The following FBXO10 variants were observed in gnomAD, a reference collection of about 807,000 sequenced individuals.
The protein encoded by FBXO10 is F-box only protein 10.
In FBXO10, 39 loss-of-function variants were observed where a neutral mutation model predicts 80.7. The ratio of observed to expected loss-of-function variants is 0.48; its 90% CI spans 0.37 to 0.63. The LOEUF (loss-of-function observed/expected upper bound fraction) is 0.63. Ranked by LOEUF, FBXO10 falls within the 30% of genes least tolerant of loss-of-function variation. FBXO10 has a pLI of 0.00. For missense variants in FBXO10, 1,025 were observed against 1,269.0 expected (o/e 0.81, Z 2.92); for synonymous variants, 449 against 489.6 (o/e 0.92, Z 1.09).
At position 37,543,993 on chromosome 9, in the gene FBXO10, G is replaced by A. The variant is rs193018835; in HGVS notation, c.-6-2219C>T. On this transcript the variant is annotated intron_variant, in intron 1 of 10. Transcript: ENST00000432825. ...AAAAAATACAAAAATTTGGCTGGCT[G>A]CAGTGGCTCGTGCCTGTAATCCCAG... is the stretch of plus-strand genomic sequence containing the variant. Among the ~76,000 whole-genome samples, 17 of 152,214 alleles carry A rather than the reference G, an allele frequency of 1.1e-4. No individual in the cohort carries two copies. The East Asian group carries it at 3.3e-3, about 29-fold the overall frequency.
Position 37,511,567 on chromosome 9 carries a change from G to T in FBXO10, c.*980C>A. 6.5e-6 allele frequency: 1 copy of T among 153,398 alleles called. No individual in the cohort carries two copies. 9.5% of individuals were successfully genotyped at this position (153,398 alleles called of 1,614,324 possible). A position where few individuals can be genotyped will look rare whatever the true frequency, so the allele number is the denominator to read the frequency against. ...GGCCACTGAGGCCCAGAGGGGGAAA[G>T]AGGGCAGGGAGAGCTATGTGGAGGT... On this transcript the variant is annotated 3_prime_UTR_variant, in exon 11 of 11. Coordinates refer to ENST00000432825, the MANE Select transcript of FBXO10 (RefSeq NM_012166.3).
In FBXO10 at chr9:37,541,580, C is replaced by G; in HGVS notation, c.189G>C (p.Gln63His). 3.1e-6 allele frequency: 5 copies of G among 1,613,754 alleles called. No homozygotes were observed. Among genetic ancestry groups the G allele is most frequent in the Non-Finnish European group, 3.4e-6 (4 of 1,179,776 alleles). Residue 63 changes from glutamine to histidine, a missense_variant, in exon 2 of 11, where the codon CAG (glutamine) becomes CAC (histidine). Coordinates refer to ENST00000432825, the MANE Select transcript of FBXO10 (RefSeq NM_012166.3). ...TCCAAGACTCAGGCTCCACATCTGG[C>G]TGGTTGGGCCAATTGGGATGGCGGC... ...TECRHPNWPN[Q>H]PDVEPESWRE...
At chr9:37,560,441 T>C (rs1328219748) in intron 1 of FBXO10, among the ~76,000 whole-genome samples, 1 of 151,984 alleles carries the variant, frequency 6.6e-6, no homozygotes, top group Non-Finnish European at 1.5e-5. Flanking sequence ...CAGCATTTGT[T>C]TTCCCCCAAA....
At position 37,521,605 on chromosome 9, in the gene FBXO10, C is replaced by A. The variant is rs746374853; in HGVS notation, c.2164G>T (p.Ala722Ser). The A allele has an allele frequency of 6.2e-7, 1 of 1,613,716 alleles. No individual in the cohort carries two copies. Among genetic ancestry groups the A allele is most frequent in the Non-Finnish European group, 8.5e-7 (1 of 1,179,752 alleles). Residue 722 changes from alanine (A) to serine (S), a missense_variant, in exon 8 of 11, where the codon GCT (alanine) becomes TCT (serine). Physicochemically the swap from Ala to Ser is moderately conservative, Grantham distance 99. Around this residue, in one of 3 missense-constraint regions of FBXO10, gnomAD observed 478 missense variants for 667.8 expected, o/e 0.72. Coordinates refer to ENST00000432825, the MANE Select transcript of FBXO10 (RefSeq NM_012166.3). ...TTAATACTGTTAGACTCAACAAGAG[C>A]TATGGTGATGGGCCGGCGCAGTGGG... ...DDPLRRPITI[A>S]LVESNSINHN... is the part of the protein sequence containing the mutation.
At chr9:37,557,564 C>A (rs1350280303) in intron 1 of FBXO10, among the ~76,000 whole-genome samples, 1 of 152,162 alleles carries the variant, frequency 6.6e-6, no homozygotes, top group East Asian at 1.9e-4. Flanking sequence ...ATTTTGCTGT[C>A]TTTCCATAAA....
intron 1 of FBXO10, among the ~76,000 whole-genome samples, chr9:37,545,951 A>G (rs1317028012): frequency 2.0e-5 from 3 of 152,140 alleles, no homozygotes; most frequent in Non-Finnish European, 4.4e-5. Flanking sequence ...GTTCAAGAAC[A>G]GCCTCACCAA....
chr9:37,548,030 G>A (rs546816662), intron 1 of FBXO10, among the ~76,000 whole-genome samples: 1 of 152,262 alleles, frequency 6.6e-6, no homozygotes, highest in African/African-American at 2.4e-5. Flanking sequence ...GAACTTTAGG[G>A]TGAAGGAAAT....
At chr9:37,543,430 TG>T (rs1486100678) in intron 1 of FBXO10, among the ~76,000 whole-genome samples, 1 of 152,034 alleles carries the variant, frequency 6.6e-6, no homozygotes, top group African/African-American at 2.4e-5. Flanking sequence ...GGGGAATGAG[TG>T]GCCCCTTTTC....
At position 37,521,587 on chromosome 9, in the gene FBXO10, T is replaced by C. The variant is rs375009439; in HGVS notation, c.2182A>G (p.Ser728Gly). 79 of 1,612,896 alleles carry C rather than the reference T, an allele frequency of 4.9e-5. No individual in the cohort carries two copies. Among genetic ancestry groups the C allele is most frequent in the Middle Eastern group, 1.6e-4 (1 of 6,078 alleles). Residue 728 changes from serine (S) to glycine (G), a missense_variant, in exon 8 of 11, where the codon AGT becomes GGT. Physicochemically the swap from Ser to Gly is moderately conservative, Grantham distance 56. Around this residue, in one of 3 missense-constraint regions of FBXO10, gnomAD observed 478 missense variants for 667.8 expected, o/e 0.72. Transcript: ENST00000432825. ...PITIALVESN[S>G]INHNGASGLY... Reference sequence around the variant, plus strand: ...TACTCACCTCCATTGTGATTAATACTGTTAGACTCAACAAGAGCTATGGTG... The same window carrying C: ...TACTCACCTCCATTGTGATTAATACCGTTAGACTCAACAAGAGCTATGGTG...
chr9:37,520,301 A>G (rs1311567190), intron 8 of FBXO10, among the ~76,000 whole-genome samples: 1 of 138,234 alleles, frequency 7.2e-6, no homozygotes, highest in South Asian at 2.3e-4. Flanking sequence ...AATATCAAAC[A>G]TCTTCTACCA....
chr9:37,511,265 C>G lies in FBXO10; in HGVS notation c.*1282G>C, dbSNP rs1201541934. 2 of 152,190 alleles carry G rather than the reference C, an allele frequency of 1.3e-5. No individual in the cohort carries two copies. Among genetic ancestry groups the G allele is most frequent in the Non-Finnish European group, 2.9e-5 (2 of 68,424 alleles). 9.4% of individuals were successfully genotyped at this position (152,190 alleles called of 1,614,324 possible). A position where few individuals can be genotyped will look rare whatever the true frequency, so the allele number is the denominator to read the frequency against. The stretch of plus-strand genomic sequence containing the variant: ...TGTTCAGGTTGAGCTGGCCCTGCAT[C>G]CAGCCCTCTTCCTCAGGCAGTGGGG... On this transcript the variant is annotated 3_prime_UTR_variant, in exon 11 of 11. Transcript: ENST00000432825.
intron 1 of FBXO10, among the ~76,000 whole-genome samples, chr9:37,553,389 T>C (rs368196658): frequency 6.6e-6 from 1 of 152,254 alleles, no homozygotes. Context: ...ACGTATTTTA[T>C]GGGTTTCAAG....
chr9:37,551,524 TG>T (rs1401810421), intron 1 of FBXO10, among the ~76,000 whole-genome samples: 1 of 152,248 alleles, frequency 6.6e-6, no homozygotes, highest in African/African-American at 2.4e-5. Context: ...GCTTGTGCCC[TG>T]GGTTCTGTAG....
At chr9:37,548,293 G>C (rs1315007387) in intron 1 of FBXO10, among the ~76,000 whole-genome samples, 1 of 152,042 alleles carries the variant, frequency 6.6e-6, no homozygotes, top group South Asian at 2.1e-4. Flanking sequence ...GCTGAGGCAG[G>C]AGAATCACTT....
chr9:37,516,960 C>CAAAA (rs56108001), intron 9 of FBXO10, among the ~76,000 whole-genome samples: 1 of 112,448 alleles, frequency 8.9e-6, no homozygotes, highest in Non-Finnish European at 1.8e-5. Flanking sequence ...AACTCCATCT[C>CAAAA]AAAAAAAAAA....
intron 1 of FBXO10, among the ~76,000 whole-genome samples, chr9:37,574,301 G>A (rs1161274862): frequency 1.3e-5 from 2 of 152,182 alleles, no homozygotes; most frequent in Admixed American, 6.5e-5. Context: ...GGGAAGGAAG[G>A]GATAGTGTAA....
At chr9:37,536,507 A>C (rs1040934427) in intron 3 of FBXO10, among the ~76,000 whole-genome samples, 2 of 152,152 alleles carry the variant, frequency 1.3e-5, no homozygotes, top group African/African-American at 4.8e-5. Flanking sequence ...AAATGTCTCA[A>C]GGGGGATTCC....
At position 37,515,917 on chromosome 9, in the gene FBXO10, C is replaced by A. The variant is rs768475047; in HGVS notation, c.2683G>T (p.Val895Phe). 42 of 1,613,232 alleles carry A rather than the reference C, an allele frequency of 2.6e-5. 1 individual carries two copies. In the South Asian group the frequency reaches 4.5e-4, roughly 17 times the overall value. ...ECIMQNNKFL[V>F]FKKKSDTWRL... ...CCAAGCACTCACTTTTTCTTGAAGA[C>A]CAGGAACTTGTTGTTTTGCATGATG... The change falls in exon 10 of 11, where the codon GTC (valine) becomes TTC (phenylalanine). Residue 895 changes from valine (V) to phenylalanine (F), a missense_variant. By Grantham distance (50) the Val-to-Phe change is conservative. Around this residue, in one of 3 missense-constraint regions of FBXO10, gnomAD observed 97 missense variants for 101.8 expected, o/e 0.95. Transcript: ENST00000432825.
intron 1 of FBXO10, among the ~76,000 whole-genome samples, chr9:37,569,567 T>G (rs1303591827): frequency 6.6e-6 from 1 of 151,844 alleles, no homozygotes; most frequent in Non-Finnish European, 1.5e-5. Flanking sequence ...GGACATTGAA[T>G]CCAATAACTG....
Sources: gnomAD v4.1 joint callset for allele counts (sites outside exome capture counted in the v4.1 genomes callset) on GRCh38, gnomAD v4.1.1 for gene constraint, gnomAD v4.1.1 regional missense constraint, MANE v1.5 for transcripts, NCBI Gene and HGNC (gene_info 2026-07-23, HGNC 2026-07-21) for gene names.